The following BTRC variants were observed in gnomAD, a reference collection of about 807,000 sequenced individuals.
The protein encoded by BTRC is beta-transducin repeat containing E3 ubiquitin protein ligase.
A neutral mutation model predicts 85.5 loss-of-function variants in BTRC; 42 were observed. The observed-to-expected ratio is 0.49, with a 90% confidence interval of 0.38 to 0.64. The LOEUF (loss-of-function observed/expected upper bound fraction) is 0.64. Ranked by LOEUF, BTRC falls within the 30% of genes least tolerant of loss-of-function variation. The probability of loss-of-function intolerance (pLI) is 0.00; values close to 1 mark genes in which losing one functional copy is unlikely to be tolerated. For missense variants in BTRC, 594 were observed against 743.5 expected (o/e 0.80, Z 2.34); for synonymous variants, 255 against 263.3 (o/e 0.97, Z 0.30).
In BTRC at chr10:101,430,466, C is replaced by T. The variant is rs371609962; in HGVS notation, c.156+14C>T. On this transcript the variant is annotated intron_variant, in intron 2 of 14. Transcript: ENST00000370187. ...ACAGCTTTCCAGGTACTTTCTCTGT[C>T]TCTGTGGGTTATTTGCGGGCATTAG... 6.6e-5 allele frequency: 106 copies of T among 1,606,798 alleles called. No individual in the cohort carries two copies. Among genetic ancestry groups the T allele is most frequent in the Non-Finnish European group, 8.3e-5 (98 of 1,173,992 alleles).
At chr10:101,423,671 A>C (rs560249401) in intron 1 of BTRC, among the ~76,000 whole-genome samples, 1 of 152,300 alleles carries the variant, frequency 6.6e-6, no homozygotes, top group South Asian at 2.1e-4. Context: ...TCTCTTGTTA[A>C]GGCAAAAGTA....
intron 1 of BTRC, among the ~76,000 whole-genome samples, chr10:101,427,482 A>T (rs1368154728): frequency 1.5e-5 from 2 of 135,292 alleles, no homozygotes; most frequent in African/African-American, 5.5e-5. Flanking sequence ...TTTTTTTGAG[A>T]CGGGTCCCTT....
chr10:101,438,751 G>T (rs1278920488), intron 2 of BTRC, among the ~76,000 whole-genome samples: 1 of 152,070 alleles, frequency 6.6e-6, no homozygotes. Context: ...TTTTTAAAAA[G>T]CAGGTCATTA....
chr10:101,485,405 A>G (rs1246029673), intron 4 of BTRC, among the ~76,000 whole-genome samples: 1 of 152,220 alleles, frequency 6.6e-6, no homozygotes, highest in East Asian at 1.9e-4. Context: ...GTCCAGCCGC[A>G]TTGATTAGGC....
At chr10:101,407,915 G>C (rs1263664827) in intron 1 of BTRC, among the ~76,000 whole-genome samples, 5 of 151,290 alleles carry the variant, frequency 3.3e-5, no homozygotes, top group African/African-American at 4.9e-5. Context: ...GTAGAGACAG[G>C]GTTTTACCAT....
intron 5 of BTRC, 122 bp from the exon 6 acceptor site, chr10:101,525,891 A>G (rs2062183898): frequency 2.1e-6 from 2 of 939,114 alleles, no homozygotes; most frequent in Non-Finnish European, 1.6e-6. Flanking sequence ...ACTGGACCAC[A>G]CTAGGGACAA....
intron 12 of BTRC, among the ~76,000 whole-genome samples, chr10:101,537,387 G>T (rs942790501): frequency 8.5e-5 from 13 of 152,182 alleles, no homozygotes; most frequent in Admixed American, 8.5e-4. Flanking sequence ...AATTAGCCAG[G>T]TGTGGTTGCG....
chr10:101,527,132 G>C (rs572673135), intron 6 of BTRC, among the ~76,000 whole-genome samples: 1 of 152,344 alleles, frequency 6.6e-6, no homozygotes, highest in African/African-American at 2.4e-5. Flanking sequence ...AGGCATGTGT[G>C]TGCTTAGTGA....
chr10:101,365,974 C>T (rs1942362293), intron 1 of BTRC, among the ~76,000 whole-genome samples: 1 of 152,060 alleles, frequency 6.6e-6, no homozygotes, highest in Non-Finnish European at 1.5e-5. Flanking sequence ...GTTTTCTTAA[C>T]CAGAAAATCA....
intron 1 of BTRC, among the ~76,000 whole-genome samples, chr10:101,371,191 T>C (rs529947070): frequency 6.6e-6 from 1 of 152,190 alleles, no homozygotes; most frequent in South Asian, 2.1e-4. Flanking sequence ...TTGGTGTTTT[T>C]TTTTTCCCCC....
intron 4 of BTRC, among the ~76,000 whole-genome samples, chr10:101,517,722 C>T (rs913272666): frequency 6.6e-6 from 1 of 152,190 alleles, no homozygotes; most frequent in African/African-American, 2.4e-5. Flanking sequence ...TTCCCAGTGT[C>T]CCCCAGCTTC....
Position 101,453,870 on chromosome 10 carries a change from T to G in BTRC, c.157-8111T>G, listed in dbSNP as rs79115102. Among the ~76,000 whole-genome samples, 1,435 of 152,310 alleles carry G rather than the reference T, an allele frequency of 9.4e-3. 21 individuals are homozygous for G. The highest frequency in any genetic ancestry group is 0.033 in the African/African-American group (1,364 of 41,560). On this transcript the variant is annotated intron_variant, in intron 2 of 14. Coordinates refer to ENST00000370187, the MANE Select transcript of BTRC (RefSeq NM_033637.4). ...TGTAAAGGGGCAGATAATAAACATT[T>G]GAGGCTTTGTGGGAGATAGGATCTT...
chr10:101,465,034 C>T (rs1432741843), intron 3 of BTRC, among the ~76,000 whole-genome samples: 3 of 152,104 alleles, frequency 2.0e-5, no homozygotes, highest in Admixed American at 6.5e-5. Context: ...AGTATATAAG[C>T]TGTTTAAACT....
rs2062694724 is a variant in BTRC at position 101,554,034 on chromosome 10, A to G, written c.*911A>G. ...TCTCTCTCTTTCTTCCCCACACCCAAGAGGAGGATTGGTGGTAGGGGGCAG... is the reference window on the plus strand; with the variant it reads ...TCTCTCTCTTTCTTCCCCACACCCAGGAGGAGGATTGGTGGTAGGGGGCAG... On this transcript the variant is annotated 3_prime_UTR_variant, in exon 15 of 15. Transcript: ENST00000370187. The G allele has an allele frequency of 6.6e-6, 1 of 151,970 alleles. No homozygotes were observed. Among genetic ancestry groups the G allele is most frequent in the South Asian group, 2.1e-4 (1 of 4,822 alleles). The allele number at this position is 151,970 out of a possible 1,614,324, so 9.4% of individuals were successfully genotyped here. A position where few individuals can be genotyped will look rare whatever the true frequency, so the allele number is the denominator to read the frequency against.
At chr10:101,475,077 G>C (rs530990579) in intron 3 of BTRC, among the ~76,000 whole-genome samples, 20 of 152,194 alleles carry the variant, frequency 1.3e-4, no homozygotes, top group African/African-American at 4.3e-4. Context: ...TGTGGAATTA[G>C]ACAACGCAAA....
chr10:101,522,366 ACAAAAAAAAAC>A (rs1402922994), intron 5 of BTRC, among the ~76,000 whole-genome samples: 4,034 of 66,218 alleles, frequency 0.061, 520 homozygotes, highest in Middle Eastern at 0.095. Context: ...AAAAAAAAAA[ACAAAAAAAAAC>A]AAAAAAAAAA....
intron 1 of BTRC, among the ~76,000 whole-genome samples, chr10:101,401,837 C>CAAAAA (rs766212284): frequency 1.9e-5 from 1 of 52,160 alleles, no homozygotes; most frequent in Non-Finnish European, 4.0e-5. Flanking sequence ...GACCTCATCT[C>CAAAAA]AAAAAAAAAA....
Position 101,499,082 on chromosome 10 carries a change from A to C in BTRC, c.324+19625A>C, listed in dbSNP as rs554262104. Among the ~76,000 whole-genome samples the C allele has an allele frequency of 2.0e-5, 3 of 152,276 alleles. No individual in the cohort carries two copies. In the South Asian group the frequency reaches 6.2e-4, roughly 32 times the overall value. ...CTGTTCCAAGTATTTCATATACATAATCTGTTATTTCATATGACAATTGTA... is the reference window on the plus strand; with the variant it reads ...CTGTTCCAAGTATTTCATATACATACTCTGTTATTTCATATGACAATTGTA... On this transcript the variant is annotated intron_variant, in intron 4 of 14. Coordinates refer to ENST00000370187, the MANE Select transcript of BTRC (RefSeq NM_033637.4).
chr10:101,449,335 A>G (rs1183225286), intron 2 of BTRC, among the ~76,000 whole-genome samples: 22 of 152,074 alleles, frequency 1.4e-4, no homozygotes. Context: ...ATCAGAGAGA[A>G]AGAATTTTGT....
Sources: allele counts gnomAD v4.1 joint callset (sites outside exome capture counted in the v4.1 genomes callset), GRCh38; gene constraint gnomAD v4.1.1; transcripts MANE v1.5; gene names NCBI Gene and HGNC (gene_info 2026-07-23, HGNC 2026-07-21).